ASNS: variants seen among roughly 807,000 people sequenced by gnomAD.
ASNS encodes asparagine synthetase [glutamine-hydrolyzing].
A neutral mutation model predicts 62.6 loss-of-function variants in ASNS; 37 were observed. That is an observed-to-expected ratio of 0.59 (90% CI 0.45 to 0.78). The LOEUF (loss-of-function observed/expected upper bound fraction) is 0.78. Ranked by LOEUF, ASNS falls within the 30% of genes least tolerant of loss-of-function variation. The pLI, the probability that ASNS is intolerant of heterozygous loss-of-function variation, is 0.00. For synonymous variants in ASNS, 207 were observed against 237.9 expected (o/e 0.87, Z 1.19); for missense variants, 520 against 682.4 (o/e 0.76, Z 2.65).
the ASNS span, among the ~76,000 whole-genome samples, chr7:97,886,610 A>T: frequency 1.1e-4 from 16 of 151,374 alleles, no homozygotes; most frequent in Admixed American, 5.9e-4. Flanking sequence ...TCATTTGTAT[A>T]GGGAAATGTG....
the ASNS span, chr7:97,928,178 C>A: frequency 6.5e-7 from 1 of 1,530,642 alleles, no homozygotes; most frequent in South Asian, 1.2e-5. Context: ...GTGCGCTTCC[C>A]CCCTCCAGCA....
chr7:97,868,214 A>G (rs1792066571), intron 3 of ASNS, among the ~76,000 whole-genome samples: 1 of 152,156 alleles, frequency 6.6e-6, no homozygotes. Flanking sequence ...AGGCTGAGGC[A>G]GGAGAATTGC....
the ASNS span, among the ~76,000 whole-genome samples, chr7:97,901,445 G>T: frequency 1.3e-5 from 2 of 152,048 alleles, no homozygotes; most frequent in Non-Finnish European, 2.9e-5. Context: ...CGCCTGCCTT[G>T]GCCTCCCAAA....
At chr7:97,855,323 A>G (rs1399353859) in intron 9 of ASNS, 30 bp downstream of exon 9, 22 of 1,453,164 alleles carry the variant, frequency 1.5e-5, no homozygotes, top group Non-Finnish European at 2.1e-5. Flanking sequence ...TTAATATAGC[A>G]TGAATATCCC....
the ASNS span, among the ~76,000 whole-genome samples, chr7:97,879,169 G>T: frequency 6.6e-6 from 1 of 152,118 alleles, no homozygotes; most frequent in African/African-American, 2.4e-5. Context: ...AGACTTAAAT[G>T]TTAGACCTAA....
At chr7:97,863,165 C>T (rs1004218981) in intron 4 of ASNS, 4 of 152,174 alleles carry the variant, frequency 2.6e-5, no homozygotes, top group African/African-American at 9.7e-5. Flanking sequence ...CACACAAAAA[C>T]TTGTACACCA....
chr7:97,859,116 G>C, intron 5 of ASNS, 97 bp downstream of exon 5: 1 of 1,480,246 alleles, frequency 6.8e-7, no homozygotes. Flanking sequence ...TAGGAAGTAG[G>C]TCTTGAAACT....
chr7:97,869,022 A>T lies in ASNS; in HGVS notation c.135T>A (p.Phe45Leu). Residue 45 changes from phenylalanine (F) to leucine (L), a missense_variant, in exon 3 of 13, where the codon TTT becomes TTA. Phe to Leu is a conservative substitution (Grantham distance 22). Coordinates refer to ENST00000394308, the MANE Select transcript of ASNS (RefSeq NM_001673.5). ...CAACTACCGCCAACCGGTGAAATCC[A>T]AAGCAGCAGTTGGTGTATCCATTGA... ...ENVNGYTNCCFGFHRLAVVDP... is the reference protein window; with the variant it reads ...ENVNGYTNCCLGFHRLAVVDP... The T allele has an allele frequency of 6.2e-7, 1 of 1,614,228 alleles. No individual in the cohort carries two copies. Among genetic ancestry groups the T allele is most frequent in the South Asian group, 1.1e-5 (1 of 91,084 alleles).
At chr7:97,909,732 T>G in the ASNS span, among the ~76,000 whole-genome samples, 6 of 152,100 alleles carry the variant, frequency 3.9e-5, no homozygotes, top group African/African-American at 1.4e-4. Context: ...CACAGAAACA[T>G]TTCCCCCAAA....
upstream of ASNS, among the ~76,000 whole-genome samples, chr7:97,873,762 G>T (rs142271605): frequency 3.7e-3 from 563 of 152,114 alleles, 5 homozygotes; most frequent in African/African-American, 0.013. Context: ...TGAAAGACAG[G>T]TTCCCCTGCT....
At chr7:97,917,668 C>G in the ASNS span, among the ~76,000 whole-genome samples, 1 of 152,242 alleles carries the variant, frequency 6.6e-6, no homozygotes, top group Admixed American at 6.5e-5. Context: ...CTTCTTTCCT[C>G]TGTTTCTGCT....
chr7:97,906,877 G>C, the ASNS span: 5 of 151,898 alleles, frequency 3.3e-5, no homozygotes, highest in Admixed American at 3.3e-4. Flanking sequence ...TGATATCCCA[G>C]CTCAAATATA....
chr7:97,908,846 G>A, the ASNS span: 1 of 151,998 alleles, frequency 6.6e-6, no homozygotes, highest in Non-Finnish European at 1.5e-5. Flanking sequence ...TTCATTTTGT[G>A]GCTCCAGCCC....
chr7:97,887,564 A>G, the ASNS span, among the ~76,000 whole-genome samples: 10 of 150,684 alleles, frequency 6.6e-5, no homozygotes, highest in African/African-American at 2.2e-4. Context: ...TGTGCATTCA[A>G]TTGTGCTCGC....
intron 3 of ASNS, 50 bp downstream of exon 3, chr7:97,868,858 C>A (rs890695526): frequency 6.2e-7 from 1 of 1,600,816 alleles, no homozygotes; most frequent in Non-Finnish European, 8.5e-7. Flanking sequence ...TCGTAACCAA[C>A]AAACTCTGAA....
At position 97,852,390 on chromosome 7, in the gene ASNS, G is replaced by A. The variant is rs1251417315; in HGVS notation, c.1555C>T (p.Arg519Cys). Reference sequence around the variant, plus strand: ...GGGTAATGGCGTTCAAAGACTTGACGGTAGTAATATCCTTCTTTGGTTTTA... The same window carrying A: ...GGGTAATGGCGTTCAAAGACTTGACAGTAGTAATATCCTTCTTTGGTTTTA... The part of the protein sequence containing the change: ...TPKTKEGYYY[R>C]QVFERHYPGR... The change falls in exon 13 of 13, where the codon CGT (arginine) becomes TGT (cysteine). Residue 519 changes from arginine (R) to cysteine (C), a missense_variant. By Grantham distance (180) the Arg-to-Cys change is radical. Coordinates refer to ENST00000394308, the MANE Select transcript of ASNS (RefSeq NM_001673.5). The A allele has an allele frequency of 5.0e-6, 8 of 1,614,002 alleles. No homozygotes were observed. Among genetic ancestry groups the A allele is most frequent in the East Asian group, 2.2e-5 (1 of 44,892 alleles).
chr7:97,873,766 C>T (rs1173367657), upstream of ASNS, among the ~76,000 whole-genome samples: 1 of 152,042 alleles, frequency 6.6e-6, no homozygotes, highest in African/African-American at 2.4e-5. Flanking sequence ...AGACAGGTTC[C>T]CCTGCTTGGT....
chr7:97,918,369 G>C, the ASNS span, among the ~76,000 whole-genome samples: 3 of 152,182 alleles, frequency 2.0e-5, no homozygotes, highest in African/African-American at 7.2e-5. Context: ...AGCACCAAGT[G>C]ATGTGTGTAA....
chr7:97,907,768 C>A, the ASNS span, among the ~76,000 whole-genome samples: 77 of 138,408 alleles, frequency 5.6e-4, no homozygotes, highest in Non-Finnish European at 5.2e-4. Context: ...GACTCCATCT[C>A]AAAAAAAAAA....
Sources: allele counts gnomAD v4.1 joint callset (sites outside exome capture counted in the v4.1 genomes callset), GRCh38; gene constraint gnomAD v4.1.1; transcripts MANE v1.5; gene names NCBI Gene and HGNC (gene_info 2026-07-23, HGNC 2026-07-21).